The following USH2A variants were observed in gnomAD, a reference collection of about 807,000 sequenced individuals.
USH2A encodes the protein usherin, also known as Usher syndrome 2A (autosomal recessive, mild).
A neutral mutation model predicts 538.9 loss-of-function variants in USH2A; 443 were observed. That is an observed-to-expected ratio of 0.82 (90% CI 0.76 to 0.89). USH2A has a LOEUF of 0.89. Ranked by LOEUF, USH2A falls within the 40% of genes least tolerant of loss-of-function variation. The pLI is 0.00. For synonymous variants in USH2A, 2,413 were observed against 2,273.5 expected, an observed-to-expected ratio of 1.06 and a Z score of -1.75; for missense variants, 6,633 against 6,324.8, an observed-to-expected ratio of 1.05 and a Z score of -1.65.
chr1:216,045,795 G>T (rs1431478376), intron 32 of USH2A, among the ~76,000 whole-genome samples: 1 of 152,128 alleles, frequency 6.6e-6, no homozygotes, highest in East Asian at 1.9e-4. Context: ...TAGGTAAGGG[G>T]TGGTGGGCTC....
At chr1:216,299,565 G>T (rs1417545114) in intron 9 of USH2A, among the ~76,000 whole-genome samples, 1 of 152,064 alleles carries the variant, frequency 6.6e-6, no homozygotes, top group African/African-American at 2.4e-5. Flanking sequence ...TTTTTCCACA[G>T]TGTACATTTA....
chr1:216,052,272 C>A (rs2030812248), intron 30 of USH2A, among the ~76,000 whole-genome samples: 2 of 151,520 alleles, frequency 1.3e-5, no homozygotes, highest in Admixed American at 6.6e-5. Flanking sequence ...ATCTTTCAAG[C>A]CATTTATCAA....
intron 3 of USH2A, among the ~76,000 whole-genome samples, chr1:216,372,699 T>G (rs1465878120): frequency 6.6e-6 from 1 of 152,136 alleles, no homozygotes; most frequent in East Asian, 1.9e-4. Context: ...TGATGGAAAA[T>G]CTGCCAACAG....
At chr1:216,329,042 T>C (rs541100862) in intron 4 of USH2A, among the ~76,000 whole-genome samples, 2 of 152,154 alleles carry the variant, frequency 1.3e-5, no homozygotes, top group African/African-American at 2.4e-5. Context: ...CAAGAAGATG[T>C]GCTCTAGGCA....
At chr1:216,308,257 T>C (rs1185986536) in intron 9 of USH2A, among the ~76,000 whole-genome samples, 1 of 152,222 alleles carries the variant, frequency 6.6e-6, no homozygotes, top group Non-Finnish European at 1.5e-5. Context: ...TCCACTACTG[T>C]AAAGTGTTCC....
chr1:216,087,919 A>T (rs762378704), intron 23 of USH2A, among the ~76,000 whole-genome samples: 1 of 152,126 alleles, frequency 6.6e-6, no homozygotes, highest in Non-Finnish European at 1.5e-5. Flanking sequence ...CTTTTAAAGA[A>T]AGCCGTCATA....
At chr1:216,260,099 T>C (rs2036338915) in intron 11 of USH2A, among the ~76,000 whole-genome samples, 1 of 152,118 alleles carries the variant, frequency 6.6e-6, no homozygotes, top group Non-Finnish European at 1.5e-5. Context: ...TGCCTTTTCC[T>C]CTTTTTCTTG....
At chr1:216,392,236 C>G (rs1305542449) in intron 3 of USH2A, among the ~76,000 whole-genome samples, 2 of 152,062 alleles carry the variant, frequency 1.3e-5, no homozygotes, top group East Asian at 3.9e-4. Context: ...TGGTGGCTCA[C>G]ACCTGTAATC....
rs1377090201 is a variant in USH2A, at chr1:215,627,441, C to CTTCTTTCCTTCCTTCCTTCT, written c.15519+1372_15519+1373insAGAAGGAAGGAAGGAAAGAA. On this transcript the variant is annotated intron_variant, in intron 71 of 71. Coordinates refer to ENST00000307340, the MANE Select transcript of USH2A (RefSeq NM_206933.4). ...CCTTCCTTCCTTCCTTCCTTCCTTCCTTCCTTCCTTCCTTCCTTCCTTCCT... is the reference window on the plus strand; with the variant it reads ...CCTTCCTTCCTTCCTTCCTTCCTTCCTTCTTTCCTTCCTTCCTTCTTTCCTTCCTTCCTTCCTTCCTTCCT... Among the ~76,000 whole-genome samples the CTTCTTTCCTTCCTTCCTTCT allele has an allele frequency of 5.4e-5, 3 of 55,102 alleles. 1 individual carries two copies. The South Asian group carries it at 2.4e-3, about 44-fold the overall frequency. 36.1% of individuals were successfully genotyped at this position (55,102 alleles called of 152,430 possible).
intron 13 of USH2A, among the ~76,000 whole-genome samples, chr1:216,232,830 G>A (rs990721187): frequency 3.9e-5 from 6 of 152,006 alleles, no homozygotes; most frequent in African/African-American, 2.4e-5. Flanking sequence ...GCTTTATCTT[G>A]AGCATCTCAT....
At chr1:216,067,127 T>C (rs958681403) in intron 30 of USH2A, among the ~76,000 whole-genome samples, 10 of 152,188 alleles carry the variant, frequency 6.6e-5, no homozygotes, top group African/African-American at 2.4e-4. Flanking sequence ...TGGATGAAGC[T>C]AGAAGCCATC....
intron 27 of USH2A, 94 bp from the exon 28 acceptor site, chr1:216,073,394 G>C (rs995811710): frequency 7.4e-6 from 10 of 1,359,132 alleles, no homozygotes; most frequent in East Asian, 2.5e-5. Context: ...TTTGAGGAAG[G>C]GGGGTGGTTA....
chr1:216,095,950 C>T (rs1034484511), intron 22 of USH2A, among the ~76,000 whole-genome samples: 2 of 152,110 alleles, frequency 1.3e-5, no homozygotes, highest in African/African-American at 2.4e-5. Flanking sequence ...TCAAGCATAA[C>T]GTGTGATTTA....
At chr1:215,970,527 G>T (rs1318095484) in intron 36 of USH2A, 98 bp downstream of exon 36, 2 of 1,460,826 alleles carry the variant, frequency 1.4e-6, no homozygotes. Context: ...TGAAAGGCTA[G>T]CTGTGCAGAG....
chr1:215,744,299 A>G (rs575217575), intron 58 of USH2A, among the ~76,000 whole-genome samples: 21 of 152,256 alleles, frequency 1.4e-4, no homozygotes, highest in African/African-American at 4.8e-4. Context: ...AACAATTGTC[A>G]TTTTTCACCA....
intron 21 of USH2A, among the ~76,000 whole-genome samples, chr1:216,164,591 A>G (rs1437530108): frequency 6.6e-6 from 1 of 152,150 alleles, no homozygotes; most frequent in East Asian, 1.9e-4. Flanking sequence ...GGCTGTTTAA[A>G]TAGATGTGGA....
At chr1:216,294,503 C>T (rs893334923) in intron 9 of USH2A, among the ~76,000 whole-genome samples, 1 of 151,414 alleles carries the variant, frequency 6.6e-6, no homozygotes, top group Non-Finnish European at 1.5e-5. Context: ...AACATTCAAC[C>T]CTTCTGCAAT....
At chr1:215,649,407 G>A (rs927175743) in intron 65 of USH2A, among the ~76,000 whole-genome samples, 2 of 151,920 alleles carry the variant, frequency 1.3e-5, no homozygotes, top group Admixed American at 6.6e-5. Context: ...AGTACTCTTC[G>A]GAACAAGAGT....
chr1:215,786,869 G>T lies in USH2A; in HGVS notation c.10188C>A (p.Thr3396=). The T allele has an allele frequency of 3.1e-6, 5 of 1,613,680 alleles. No homozygotes were observed. In the South Asian group the frequency reaches 5.5e-5, roughly 18 times the overall value. The change falls in exon 52 of 72, where the codon ACC becomes ACA. Residue 3396 remains threonine, a synonymous_variant. Transcript: ENST00000307340. ...CTGGGCAGAGGATCCTGCACTCTTT[G>T]GTTTCCTGAGTCAAGTGGCAGGGGT... ...KISTGMMMKE[T]KECRILCPAS...
Sources: gnomAD v4.1 joint callset for allele counts (sites outside exome capture counted in the v4.1 genomes callset) on GRCh38, gnomAD v4.1.1 for gene constraint, MANE v1.5 for transcripts, NCBI Gene and HGNC (gene_info 2026-07-23, HGNC 2026-07-21) for gene names.